LRFN2: variants seen among roughly 807,000 people sequenced by gnomAD.
LRFN2 encodes leucine-rich repeat and fibronectin type-III domain-containing protein 2.
LRFN2 carries 18 observed loss-of-function variants against 37.3 expected under a neutral mutation model. The ratio of observed to expected loss-of-function variants is 0.48; its 90% CI spans 0.33 to 0.72. The LOEUF is 0.72. LRFN2 is among the 30% of genes least tolerant of loss of function. LRFN2 has a pLI of 0.02. For missense variants in LRFN2, 1,006 were observed against 1,060.7 expected (o/e 0.95, Z 0.72); for synonymous variants, 556 against 466.6 (o/e 1.19, Z -2.47).
intron 1 of LRFN2, among the ~76,000 whole-genome samples, chr6:40,451,673 G>A (rs1451662814): frequency 2.6e-5 from 4 of 152,018 alleles, no homozygotes; most frequent in Non-Finnish European, 4.4e-5. Context: ...TGACAATTAC[G>A]AGAAGGAGCT....
chr6:40,441,735 G>A (rs1763841575), intron 1 of LRFN2, among the ~76,000 whole-genome samples: 1 of 152,132 alleles, frequency 6.6e-6, no homozygotes, highest in Non-Finnish European at 1.5e-5. Flanking sequence ...GCCTACAGGT[G>A]TGAGTACGTG....
chr6:40,541,460 G>A (rs1003286241), intron 1 of LRFN2, among the ~76,000 whole-genome samples: 1 of 152,154 alleles, frequency 6.6e-6, no homozygotes, highest in African/African-American at 2.4e-5. Context: ...TTTGTTCACC[G>A]TAATTCCCAG....
At chr6:40,490,364 C>G (rs559673035) in intron 1 of LRFN2, among the ~76,000 whole-genome samples, 1 of 152,200 alleles carries the variant, frequency 6.6e-6, no homozygotes, top group Non-Finnish European at 1.5e-5. Context: ...GGAGGAGGAG[C>G]AGCGAGGCTG....
chr6:40,547,393 T>C (rs1771307), intron 1 of LRFN2, among the ~76,000 whole-genome samples: 93,752 of 151,970 alleles, frequency 0.62, 29,933 homozygotes, highest in African/African-American at 0.78. Flanking sequence ...GTGTGAGCCA[T>C]CGCGCCTGGC....
chr6:40,559,522 G>A (rs1052161315), intron 1 of LRFN2, among the ~76,000 whole-genome samples: 1 of 152,100 alleles, frequency 6.6e-6, no homozygotes, highest in Non-Finnish European at 1.5e-5. Flanking sequence ...GCCTGGCCTG[G>A]GGCCCACTAT....
intron 1 of LRFN2, among the ~76,000 whole-genome samples, chr6:40,460,158 C>T (rs191457786): frequency 1.2e-3 from 183 of 152,236 alleles, no homozygotes; most frequent in African/African-American, 3.6e-3. Context: ...GGGCTCCTTC[C>T]GGAGGCTCCT....
At chr6:40,402,170 A>G (rs966856774) in intron 2 of LRFN2, among the ~76,000 whole-genome samples, 1 of 152,220 alleles carries the variant, frequency 6.6e-6, no homozygotes, top group Non-Finnish European at 1.5e-5. Context: ...TTTATTGAGT[A>G]CTTACTACGT....
rs769398820 is a variant in LRFN2 at position 40,392,189 on chromosome 6, G to T, written c.2124C>A (p.Ser708Arg). 1.3e-6 allele frequency: 2 copies of T among 1,585,554 alleles called. No homozygotes were observed. The highest frequency in any genetic ancestry group is 1.7e-6 in the Non-Finnish European group (2 of 1,165,698). Residue 708 changes from serine (S) to arginine (R), a missense_variant, in exon 3 of 3, where the codon AGC becomes AGA. By Grantham distance (110) the Ser-to-Arg change is moderately radical (BLOSUM62 -1). Around this residue, in one of 4 missense-constraint regions of LRFN2, gnomAD observed 398 missense variants for 327.6 expected, o/e 1.21. Coordinates refer to ENST00000338305, the MANE Select transcript of LRFN2 (RefSeq NM_020737.3). This position sits in a 1 kb window ranked among gnomAD's most constrained non-coding sequence, Gnocchi z 4.7. ...TGCCCTCCAACGGCAAGGGGAGCAGGCTCCTGGCCCGGGCCGCAGGGGGCC... is the reference window on the plus strand; with the variant it reads ...TGCCCTCCAACGGCAAGGGGAGCAGTCTCCTGGCCCGGGCCGCAGGGGGCC... ...LLGPPAARARSLLPLPLEGKA... is the reference protein window; with the variant it reads ...LLGPPAARARRLLPLPLEGKA...
At position 40,564,024 on chromosome 6, in the gene LRFN2, C is replaced by G. The variant is rs569852115; in HGVS notation, c.-19+22917G>C. ...TAACATTATCTCATTTAATAATAACCCTGTAAGGTCAGCATTCTTTTTATC... is the reference window on the plus strand; with the variant it reads ...TAACATTATCTCATTTAATAATAACGCTGTAAGGTCAGCATTCTTTTTATC... On this transcript the variant is annotated intron_variant, in intron 1 of 2. Coordinates refer to ENST00000338305, the MANE Select transcript of LRFN2 (RefSeq NM_020737.3). 2.6e-5 allele frequency among the ~76,000 whole-genome samples: 4 copies of G among 152,238 alleles called. No individual in the cohort carries two copies. The South Asian group carries it at 8.3e-4, about 32-fold the overall frequency.
intron 1 of LRFN2, among the ~76,000 whole-genome samples, chr6:40,577,001 A>G (rs1767292202): frequency 6.6e-6 from 1 of 150,984 alleles, no homozygotes; most frequent in Non-Finnish European, 1.5e-5. Context: ...CCCCACCCCC[A>G]CAAGCATTCC....
At chr6:40,585,690 C>G (rs779393198) in intron 1 of LRFN2, among the ~76,000 whole-genome samples, 10 of 152,130 alleles carry the variant, frequency 6.6e-5, no homozygotes, top group Admixed American at 1.3e-4. Context: ...AACTTCACAG[C>G]CCAGGGAATG....
At chr6:40,425,161 G>A (rs964668041) in intron 2 of LRFN2, among the ~76,000 whole-genome samples, 17 of 152,224 alleles carry the variant, frequency 1.1e-4, no homozygotes, top group Admixed American at 4.6e-4. Flanking sequence ...GAAGAACATG[G>A]CATGGGAAAG....
chr6:40,577,682 T>C (rs1022359979), intron 1 of LRFN2, among the ~76,000 whole-genome samples: 1 of 113,790 alleles, frequency 8.8e-6, no homozygotes, highest in Non-Finnish European at 1.9e-5. Flanking sequence ...GAATATGCGG[T>C]GTTTGGTTTT....
At chr6:40,580,225 T>C (rs989167179) in intron 1 of LRFN2, among the ~76,000 whole-genome samples, 1 of 152,204 alleles carries the variant, frequency 6.6e-6, no homozygotes, top group Non-Finnish European at 1.5e-5. Flanking sequence ...GAAACTGGAA[T>C]GCCCATGGGC....
At chr6:40,406,689 C>G (rs1762856632) in intron 2 of LRFN2, among the ~76,000 whole-genome samples, 1 of 152,248 alleles carries the variant, frequency 6.6e-6, no homozygotes. Flanking sequence ...CAGACTGCGT[C>G]TTCCTCCCAC....
intron 1 of LRFN2, among the ~76,000 whole-genome samples, chr6:40,496,951 C>T (rs530077488): frequency 2.8e-4 from 42 of 152,210 alleles, no homozygotes; most frequent in African/African-American, 8.9e-4. Flanking sequence ...AGTGCCTTCC[C>T]TATCTATAAT....
At chr6:40,445,462 G>T (rs1203760841) in intron 1 of LRFN2, among the ~76,000 whole-genome samples, 3 of 152,160 alleles carry the variant, frequency 2.0e-5, no homozygotes, top group Non-Finnish European at 4.4e-5. Flanking sequence ...ACCAACTAGG[G>T]CAAGGGAACT....
At chr6:40,532,436 A>G (rs1007174704) in intron 1 of LRFN2, among the ~76,000 whole-genome samples, 6 of 152,250 alleles carry the variant, frequency 3.9e-5, no homozygotes, top group African/African-American at 9.6e-5. Context: ...CAATAGCCCT[A>G]TGAGATATGT....
chr6:40,506,368 A>G (rs1346831261), intron 1 of LRFN2, among the ~76,000 whole-genome samples: 3 of 152,214 alleles, frequency 2.0e-5, no homozygotes, highest in South Asian at 2.1e-4. Flanking sequence ...ACCAGAATGA[A>G]TCTGCTGGCT....
Sources: gnomAD v4.1 joint callset for allele counts (sites outside exome capture counted in the v4.1 genomes callset) on GRCh38, gnomAD v4.1.1 for gene constraint, gnomAD v4.1.1 regional missense constraint, Gnocchi (gnomAD v3.1) non-coding constraint, MANE v1.5 for transcripts, NCBI Gene and HGNC (gene_info 2026-07-23, HGNC 2026-07-21) for gene names.